DENND2B: variants seen among roughly 807,000 people sequenced by gnomAD.
DENND2B encodes DENN domain containing 2B.
A neutral mutation model predicts 116.0 loss-of-function variants in DENND2B; 32 were observed. The ratio of observed to expected loss-of-function variants is 0.28; its 90% CI spans 0.21 to 0.37. The LOEUF is 0.37. Among genes scored for constraint, DENND2B ranks in the 10% least tolerant of loss-of-function variants. DENND2B has a pLI of 1.00. For missense variants in DENND2B, 1,276 were observed against 1,477.7 expected, an observed-to-expected ratio of 0.86 and a Z score of 2.24; for synonymous variants, 588 against 583.9, an observed-to-expected ratio of 1.01 and a Z score of -0.10.
chr11:8,718,578 T>G (rs2045542356), intron 4 of DENND2B: 3 of 1,370,198 alleles, frequency 2.2e-6, no homozygotes, highest in African/African-American at 1.5e-5. Context: ...CCTCTACCGC[T>G]GATCTCAGCA....
At chr11:8,825,943 T>C (rs1477242202) in intron 4 of DENND2B, among the ~76,000 whole-genome samples, 1 of 152,178 alleles carries the variant, frequency 6.6e-6, no homozygotes, top group Non-Finnish European at 1.5e-5. Flanking sequence ...CCAGGGGACA[T>C]ATATTATATT....
Position 8,715,614 on chromosome 11 carries a change from G to A in DENND2B, c.1834C>T (p.Arg612Cys), listed in dbSNP as rs377206146. The A allele has an allele frequency of 9.7e-5, 157 of 1,611,032 alleles. No homozygotes were observed. Among genetic ancestry groups the A allele is most frequent in the Non-Finnish European group, 1.0e-4 (123 of 1,178,310 alleles). ...TCTGGGGAGGGTACCTTGGGAATGC[G>A]GCGGGCCCGGCGGCTGGACAGCAGC... ...SELLSSRRAR[R>C]IPKLVQRINS... The change falls in exon 6 of 20, where the codon CGC (arginine) becomes TGC (cysteine). Residue 612 changes from arginine (R) to cysteine (C), a missense_variant. Arg to Cys is a radical substitution (Grantham distance 180). Transcript: ENST00000313726.
At chr11:8,897,386 C>G (rs988472019) in intron 1 of DENND2B, among the ~76,000 whole-genome samples, 2 of 152,034 alleles carry the variant, frequency 1.3e-5, no homozygotes, top group African/African-American at 4.8e-5. Flanking sequence ...TTTTGCAATC[C>G]CTACACTCCC....
chr11:8,721,166 A>C (rs1423423698), intron 4 of DENND2B, among the ~76,000 whole-genome samples: 1 of 151,704 alleles, frequency 6.6e-6, no homozygotes, highest in Admixed American at 6.6e-5. Flanking sequence ...TCTGCTTTGC[A>C]CTCTTCTAAA....
At chr11:8,834,422 C>T (rs2062337805) in intron 4 of DENND2B, among the ~76,000 whole-genome samples, 1 of 152,228 alleles carries the variant, frequency 6.6e-6, no homozygotes, top group Non-Finnish European at 1.5e-5. Context: ...GATAACTCCA[C>T]TAACCCCACT....
chr11:8,867,849 C>A (rs1002284841), intron 2 of DENND2B, among the ~76,000 whole-genome samples: 1 of 152,108 alleles, frequency 6.6e-6, no homozygotes. Context: ...TCCCAAAATG[C>A]TGGGATTACA....
At chr11:8,838,180 A>G (rs1594185363) in intron 4 of DENND2B, among the ~76,000 whole-genome samples, 1 of 152,316 alleles carries the variant, frequency 6.6e-6, no homozygotes, top group East Asian at 1.9e-4. Context: ...GGATGCTCAC[A>G]CTAATGGTTC....
At chr11:8,902,751 T>C (rs1194031310) in intron 1 of DENND2B, among the ~76,000 whole-genome samples, 5 of 152,234 alleles carry the variant, frequency 3.3e-5, no homozygotes, top group African/African-American at 7.2e-5. Context: ...GTATATCTTT[T>C]TCTTTAACTT....
rs2057758583 is a variant in DENND2B at position 8,776,590 on chromosome 11, C to A, written c.-25-25865G>T. The A allele has an allele frequency of 4.7e-5, 11 of 232,438 alleles. No individual in the cohort carries two copies. In the South Asian group the frequency reaches 6.7e-4, roughly 14 times the overall value. 14.4% of individuals were successfully genotyped at this position (232,438 alleles called of 1,614,324 possible). The stretch of plus-strand genomic sequence containing the variant: ...GCCACTTGTAGGGGTAAGGTGAGGG[C>A]AGCACATGAAACCCAGCTAGATGGG... On this transcript the variant is annotated intron_variant, in intron 1 of 19. Coordinates refer to ENST00000313726, the MANE Select transcript of DENND2B (RefSeq NM_213618.2).
intron 4 of DENND2B, chr11:8,718,346 C>T: frequency 6.5e-7 from 1 of 1,534,824 alleles, no homozygotes; most frequent in Non-Finnish European, 8.7e-7. Flanking sequence ...AGGGGATCTC[C>T]CTGGGGACCT....
chr11:8,796,680 G>C (rs1024860534), intron 1 of DENND2B, among the ~76,000 whole-genome samples: 1 of 152,118 alleles, frequency 6.6e-6, no homozygotes, highest in Non-Finnish European at 1.5e-5. Flanking sequence ...TAGGAAATCA[G>C]GGTTTATTTA....
chr11:8,824,368 T>C (rs914825254), intron 4 of DENND2B, among the ~76,000 whole-genome samples: 1 of 152,212 alleles, frequency 6.6e-6, no homozygotes, highest in Non-Finnish European at 1.5e-5. Flanking sequence ...CACCCTCAAG[T>C]AGGCCTTGGT....
intron 1 of DENND2B, among the ~76,000 whole-genome samples, chr11:8,797,130 T>C (rs1482466293): frequency 6.6e-6 from 1 of 152,178 alleles, no homozygotes; most frequent in Non-Finnish European, 1.5e-5. Context: ...TAGATTTAGA[T>C]TTTAAGCAAG....
chr11:8,746,278 T>C (rs1262512480), intron 2 of DENND2B, among the ~76,000 whole-genome samples: 3 of 152,232 alleles, frequency 2.0e-5, no homozygotes, highest in Non-Finnish European at 4.4e-5. Flanking sequence ...AAGACATCTC[T>C]GGATTTCACT....
intron 1 of DENND2B, among the ~76,000 whole-genome samples, chr11:8,775,391 C>T (rs1292979649): frequency 6.6e-6 from 1 of 152,232 alleles, no homozygotes; most frequent in Non-Finnish European, 1.5e-5. Context: ...AGTGCTAGAA[C>T]AGTCAGGCTG....
chr11:8,888,075 ACAG>A (rs1311764714), intron 1 of DENND2B, among the ~76,000 whole-genome samples: 1 of 152,216 alleles, frequency 6.6e-6, no homozygotes, highest in African/African-American at 2.4e-5. Flanking sequence ...CAACATTTGC[ACAG>A]CAGCATCTGT....
At chr11:8,900,541 G>C (rs1346038514) in intron 1 of DENND2B, among the ~76,000 whole-genome samples, 1 of 151,676 alleles carries the variant, frequency 6.6e-6, no homozygotes, top group African/African-American at 2.4e-5. Context: ...GGAGGCAACA[G>C]TGAGCCACAC....
chr11:8,874,085 G>A (rs2063819086), upstream of DENND2B, among the ~76,000 whole-genome samples: 1 of 152,170 alleles, frequency 6.6e-6, no homozygotes, highest in Non-Finnish European at 1.5e-5. Flanking sequence ...CAAGATTTGA[G>A]CATAAACATC....
At chr11:8,698,137 CAAA>C (rs33975736) in intron 16 of DENND2B, among the ~76,000 whole-genome samples, 2,479 of 39,474 alleles carry the variant, frequency 0.063, 27 homozygotes, top group African/African-American at 0.11. Context: ...ACCCTGTCTC[CAAA>C]AAAAAAAAAA....
Sources: allele counts gnomAD v4.1 joint callset (sites outside exome capture counted in the v4.1 genomes callset), GRCh38; gene constraint gnomAD v4.1.1; transcripts MANE v1.5; gene names NCBI Gene and HGNC (gene_info 2026-07-23, HGNC 2026-07-21).